Variants in AFF2 observed in about 807,000 individuals in gnomAD.
AFF2 encodes the protein ALF transcription elongation factor 2.
Under a neutral mutation model 76.9 loss-of-function variants are expected in AFF2, and 14 were observed. The observed-to-expected ratio is 0.18, with a 90% CI of 0.12 to 0.28. The LOEUF (loss-of-function observed/expected upper bound fraction) is 0.28, where lower values mean the gene tolerates loss of function less well. Among genes scored for constraint, AFF2 ranks in the 10% least tolerant of loss-of-function variants. AFF2 has a pLI of 1.00. For synonymous variants in AFF2, 398 were observed against 366.7 expected, an observed-to-expected ratio of 1.09 and a Z score of -0.98; for missense variants, 868 against 1,001.1, an observed-to-expected ratio of 0.87 and a Z score of 1.79.
chrX:148,550,610 G>C (rs2052978930), intron 1 of AFF2, among the ~76,000 whole-genome samples: 1 of 111,632 alleles, frequency 9.0e-6, no homozygotes, highest in African/African-American at 3.3e-5. Context: ...TGGTTTGAAA[G>C]TGATAAGCAT....
chrX:148,982,342 T>A (rs782053282), intron 19 of AFF2, among the ~76,000 whole-genome samples: 2 of 111,669 alleles, frequency 1.8e-5, no homozygotes, highest in Non-Finnish European at 3.8e-5. Flanking sequence ...TTTGCGTGCA[T>A]CTGCAGCACG....
chrX:148,966,756 C>T, intron 13 of AFF2, 34 bp from the exon 14 acceptor site: 3 of 1,200,540 alleles, frequency 2.5e-6, no homozygotes, highest in Non-Finnish European at 3.4e-6. Flanking sequence ...AAAAGCTGGA[C>T]CTAATGGAAA....
At chrX:148,894,892 G>GATATATATATAT (rs200455717) in intron 8 of AFF2, among the ~76,000 whole-genome samples, 6 of 109,583 alleles carry the variant, frequency 5.5e-5, no homozygotes, top group African/African-American at 2.0e-4. Flanking sequence ...ATGTGAGATA[G>GATATATATATAT]ATAGATATAT....
At chrX:148,843,461 C>A in intron 7 of AFF2, 28 bp downstream of exon 7, 1 of 1,172,909 alleles carries the variant, frequency 8.5e-7, no homozygotes, top group Non-Finnish European at 1.2e-6. Context: ...CAAATCAGGC[C>A]TTTTTGGGGA....
intron 3 of AFF2, among the ~76,000 whole-genome samples, chrX:148,708,708 C>T (rs113905585): frequency 0.011 from 1,222 of 111,759 alleles, 19 homozygotes; most frequent in African/African-American, 0.038. Context: ...AGTGAGACTC[C>T]GTCTCAAAAA....
intron 3 of AFF2, among the ~76,000 whole-genome samples, chrX:148,672,795 GT>G (rs1401807554): frequency 8.1e-5 from 9 of 111,675 alleles, no homozygotes; most frequent in African/African-American, 2.9e-4. Context: ...GGTTCATAAA[GT>G]TTCTGAGTTT....
At chrX:148,622,058 A>C (rs2053874069) in intron 1 of AFF2, among the ~76,000 whole-genome samples, 1 of 112,181 alleles carries the variant, frequency 8.9e-6, no homozygotes, top group African/African-American at 3.2e-5. Context: ...TCATATTCTC[A>C]AGCCTGAAAG....
chrX:148,920,055 A>T lies in AFF2; in HGVS notation c.1397+15797A>T, dbSNP rs141484134. ...TCACACTGTGATGTAAAAAAAACAT[A>T]CGGTAGTGTCTGCACAAATTCTACA... is the stretch of plus-strand genomic sequence containing the variant. On this transcript the variant is annotated intron_variant, in intron 9 of 20. Coordinates refer to ENST00000370460, the MANE Select transcript of AFF2 (RefSeq NM_002025.4). 6.0e-4 allele frequency among the ~76,000 whole-genome samples: 67 copies of T among 112,294 alleles called. No individual in the cohort carries two copies. In the East Asian group the frequency reaches 0.017, roughly 28 times the overall value.
intron 3 of AFF2, among the ~76,000 whole-genome samples, chrX:148,712,221 G>A (rs1281492630): frequency 9.0e-6 from 1 of 111,561 alleles, no homozygotes; most frequent in African/African-American, 3.3e-5. Flanking sequence ...ATAGGATTTG[G>A]AAGTATAGAA....
intron 1 of AFF2, among the ~76,000 whole-genome samples, chrX:148,552,765 A>G (rs782673047): frequency 8.9e-6 from 1 of 112,062 alleles, no homozygotes; most frequent in South Asian, 3.7e-4. Flanking sequence ...CAAATCTGGG[A>G]GAATGGAGAA....
chrX:148,743,594 T>C (rs2055386623), intron 3 of AFF2, among the ~76,000 whole-genome samples: 1 of 111,240 alleles, frequency 9.0e-6, no homozygotes, highest in Non-Finnish European at 1.9e-5. Context: ...GTGCACTTGA[T>C]TTATTTCCTA....
At chrX:148,531,887 G>A (rs2052734063) in intron 1 of AFF2, among the ~76,000 whole-genome samples, 1 of 81,785 alleles carries the variant, frequency 1.2e-5, no homozygotes, top group South Asian at 7.6e-4. Flanking sequence ...AGTATTGATA[G>A]AAGATTAATT....
At chrX:148,878,911 A>G (rs1364384816) in intron 7 of AFF2, among the ~76,000 whole-genome samples, 1 of 112,640 alleles carries the variant, frequency 8.9e-6, no homozygotes, top group East Asian at 2.8e-4. Context: ...TTGGGAGGAC[A>G]TTGTATAACC....
rs1481074508 is a variant in AFF2 at position 148,578,260 on chromosome X, C to A, written c.48-73739C>A. On this transcript the variant is annotated intron_variant, in intron 1 of 20. Transcript: ENST00000370460. Reference sequence around the variant, plus strand: ...TTATCTCCACTTTATCCCTTAGGCTCTCTCCCTGACAGTCCCTTTGGTTGT... The same window carrying A: ...TTATCTCCACTTTATCCCTTAGGCTATCTCCCTGACAGTCCCTTTGGTTGT... Among the ~76,000 whole-genome samples, 3 of 111,749 alleles carry A rather than the reference C, an allele frequency of 2.7e-5. No individual in the cohort carries two copies. The Admixed American group carries it at 2.9e-4, about 11-fold the overall frequency.
In AFF2 at chrX:148,956,147, G is replaced by T; in HGVS notation, c.2102G>T (p.Gly701Val). Residue 701 changes from glycine to valine, a missense_variant, in exon 11 of 21, where the codon GGC (glycine) becomes GTC (valine). Transcript: ENST00000370460. ...GAGAAGAAGAAGTACAGAGGGCCTG[G>T]CAAGATTGTGCCAAAGTCTCGGGAA... ...APEKKKYRGP[G>V]KIVPKSREFI... The T allele has an allele frequency of 8.3e-7, 1 of 1,210,373 alleles. No homozygotes were observed. The highest frequency in any genetic ancestry group is 1.1e-6 in the Non-Finnish European group (1 of 895,151).
chrX:148,712,603 T>C (rs1413256718), intron 3 of AFF2, among the ~76,000 whole-genome samples: 6 of 112,095 alleles, frequency 5.4e-5, no homozygotes, highest in Non-Finnish European at 7.5e-5. Context: ...GTCTATTATG[T>C]GTAGTTTTTA....
intron 1 of AFF2, among the ~76,000 whole-genome samples, chrX:148,638,908 C>A (rs1180767302): frequency 8.9e-6 from 1 of 112,063 alleles, no homozygotes; most frequent in Non-Finnish European, 1.9e-5. Flanking sequence ...TGTCCCTTTG[C>A]TCTAACACTT....
intron 1 of AFF2, among the ~76,000 whole-genome samples, chrX:148,577,817 CCAAATGCCTTTA>C (rs1321947566): frequency 9.0e-6 from 1 of 111,514 alleles, no homozygotes; most frequent in Admixed American, 9.5e-5. Context: ...CTTTTTTCCC[CCAAATGCCTTTA>C]CAACAAGGTA....
rs148492729 is a variant in AFF2 at position 148,997,827 on chromosome X, C to T, written c.*6495C>T. ...TCCAGTGCATCCCCTAATTCAAAAC[C>T]ATCCTCACTAATCAATCATATTCAC... On this transcript the variant is annotated 3_prime_UTR_variant, in exon 21 of 21. Transcript: ENST00000370460. The T allele has an allele frequency of 1.8e-5, 2 of 112,216 alleles. No homozygotes were observed. The highest frequency in any genetic ancestry group is 1.9e-4 in the Admixed American group (2 of 10,594). The allele number at this position is 112,216 out of a possible 1,213,427, so 9.2% of individuals were successfully genotyped here.
Sources: gnomAD v4.1 joint callset for allele counts (sites outside exome capture counted in the v4.1 genomes callset) on GRCh38, gnomAD v4.1.1 for gene constraint, MANE v1.5 for transcripts, NCBI Gene and HGNC (gene_info 2026-07-23, HGNC 2026-07-21) for gene names.